PPIG: variants seen among roughly 807,000 people sequenced by gnomAD.
PPIG encodes the protein peptidyl-prolyl cis-trans isomerase G.
PPIG carries 26 observed loss-of-function variants against 87.9 expected under a neutral mutation model. The observed-to-expected ratio is 0.30, with a 90% CI of 0.22 to 0.41. The LOEUF is 0.41. Ranked by LOEUF, PPIG falls within the 10% of genes least tolerant of loss-of-function variation. The probability of loss-of-function intolerance (pLI) is 1.00; values close to 1 mark genes in which losing one functional copy is unlikely to be tolerated. For missense variants in PPIG, 722 were observed against 879.4 expected (o/e 0.82, Z 2.26); for synonymous variants, 308 against 276.5 (o/e 1.11, Z -1.13).
intron 1 of PPIG, among the ~76,000 whole-genome samples, chr2:169,594,147 C>T (rs545138147): frequency 3.9e-5 from 6 of 152,160 alleles, no homozygotes; most frequent in Admixed American, 3.9e-4. Flanking sequence ...AGTAGTTCCT[C>T]ATAATAGATT....
intron 6 of PPIG, among the ~76,000 whole-genome samples, chr2:169,608,327 A>G (rs534962818): frequency 2.0e-5 from 3 of 151,976 alleles, no homozygotes; most frequent in East Asian, 1.9e-4. Flanking sequence ...CGTCTCTACT[A>G]AAAATACAAA....
chr2:169,596,219 C>G (rs1685012088), intron 1 of PPIG, among the ~76,000 whole-genome samples: 1 of 152,142 alleles, frequency 6.6e-6, no homozygotes, highest in African/African-American at 2.4e-5. Context: ...ATTTTCCTGC[C>G]TCAGCCTCCC....
At chr2:169,584,770 C>T in intron 1 of PPIG, 1 of 307,676 alleles carries the variant, frequency 3.3e-6, no homozygotes, top group Non-Finnish European at 6.2e-6. Flanking sequence ...CCCACTCAGG[C>T]GCACACCTCC....
intron 1 of PPIG, among the ~76,000 whole-genome samples, chr2:169,589,716 TTC>T (rs1231829016): frequency 6.6e-6 from 1 of 152,064 alleles, no homozygotes; most frequent in Non-Finnish European, 1.5e-5. Flanking sequence ...AGGGAATGGG[TTC>T]TGTTTCAGTT....
chr2:169,637,358 A>G lies in PPIG; in HGVS notation c.2100A>G (p.Glu700=). 2 of 1,610,904 alleles carry G rather than the reference A, an allele frequency of 1.2e-6. No homozygotes were observed. Among genetic ancestry groups the G allele is most frequent in the Non-Finnish European group, 1.7e-6 (2 of 1,179,370 alleles). Residue 700 remains glutamate (E), a synonymous_variant, in exon 14 of 14, where the codon GAA becomes GAG. Transcript: ENST00000260970. ...TAAAACAAAGCAGTCAGGACAATGA[A>G]TTAAAGTCCTCCATGTTGAAAAATA... ...SKIKQSSQDN[E]LKSSMLKNKE... is the part of the protein sequence containing the mutation.
chr2:169,626,953 G>A (rs1353096337), intron 9 of PPIG, among the ~76,000 whole-genome samples: 1 of 151,046 alleles, frequency 6.6e-6, no homozygotes. Context: ...CAAGTGATCT[G>A]CCTGCTTTGG....
chr2:169,591,723 T>C (rs1452577318), intron 1 of PPIG, among the ~76,000 whole-genome samples: 1 of 151,784 alleles, frequency 6.6e-6, no homozygotes, highest in Non-Finnish European at 1.5e-5. Flanking sequence ...ATGTCATCTG[T>C]TGGGAGCAGA....
intron 6 of PPIG, 150 bp from the exon 7 acceptor site, chr2:169,608,521 T>C: frequency 2.1e-6 from 1 of 477,626 alleles, no homozygotes; most frequent in Middle Eastern, 4.7e-4. Context: ...AATTGATTCA[T>C]ATTTGATTCT....
At position 169,594,922 on chromosome 2, in the gene PPIG, G is replaced by GTTTTA. The variant is rs1217670277; in HGVS notation, c.-69-8700_-69-8696dup. On this transcript the variant is annotated intron_variant, in intron 1 of 13. Coordinates refer to ENST00000260970, the MANE Select transcript of PPIG (RefSeq NM_004792.3). Reference sequence around the variant, plus strand: ...CAGGCGTGAGACACCATGCCTGGCAGTTTTATTTTATTTTATTTTATTTTG... The same window carrying GTTTTA: ...CAGGCGTGAGACACCATGCCTGGCAGTTTTATTTTATTTTATTTTATTTTATTTTG... 3.4e-4 allele frequency among the ~76,000 whole-genome samples: 52 copies of GTTTTA among 151,066 alleles called. No homozygotes were observed. In the South Asian group the frequency reaches 3.6e-3, roughly 10 times the overall value.
intron 7 of PPIG, among the ~76,000 whole-genome samples, chr2:169,610,858 A>T (rs2105495662): frequency 6.6e-6 from 1 of 152,322 alleles, no homozygotes; most frequent in African/African-American, 2.4e-5. Flanking sequence ...TGTGTATACC[A>T]TAGTTTATTC....
Position 169,614,652 on chromosome 2 carries a change from A to G in PPIG, c.475A>G (p.Thr159Ala). ...TGTAAGAGAGATTGAAAACCAGAAA[A>G]CAGATGCAGCTAGCAAACCGTTTGC... The part of the protein sequence containing the change: ...EVVREIENQK[T>A]DAASKPFAEV... The change falls in exon 9 of 14, where the codon ACA becomes GCA. Residue 159 changes from threonine (T) to alanine (A), a missense_variant. By Grantham distance (58) the Thr-to-Ala change is moderately conservative (BLOSUM62 0). Coordinates refer to ENST00000260970, the MANE Select transcript of PPIG (RefSeq NM_004792.3). 1 of 1,613,074 alleles carries G rather than the reference A, an allele frequency of 6.2e-7. No homozygotes were observed. The highest frequency in any genetic ancestry group is 8.5e-7 in the Non-Finnish European group (1 of 1,179,896).
intron 9 of PPIG, among the ~76,000 whole-genome samples, chr2:169,616,379 T>C (rs1418063954): frequency 1.3e-5 from 2 of 152,140 alleles, no homozygotes; most frequent in African/African-American, 4.8e-5. Flanking sequence ...GGGATTGCTG[T>C]GCCAAATGGT....
At chr2:169,589,952 A>G (rs1047737587) in intron 1 of PPIG, among the ~76,000 whole-genome samples, 2 of 152,074 alleles carry the variant, frequency 1.3e-5, no homozygotes, top group Non-Finnish European at 2.9e-5. Context: ...TCTACTAAAA[A>G]TACAAAATTA....
intron 7 of PPIG, among the ~76,000 whole-genome samples, chr2:169,612,529 G>T (rs547237747): frequency 6.6e-6 from 1 of 151,874 alleles, no homozygotes. Flanking sequence ...GACTACAGGC[G>T]CCTGTCACCA....
rs1031024373 is a variant in PPIG at position 169,604,233 on chromosome 2, A to G, written c.108A>G (p.Thr36=). The change falls in exon 4 of 14, where the codon ACA becomes ACG. Residue 36 remains threonine, a synonymous_variant. Coordinates refer to ENST00000260970, the MANE Select transcript of PPIG (RefSeq NM_004792.3). ...FELFSDVCPK[T]CENFRCLCTG... is the part of the protein sequence containing the mutation. ...TATTTTCTGATGTGTGCCCCAAAAC[A>G]TGCGAGAACTTTCGTTGTCTTTGTA... 10 of 1,611,560 alleles carry G rather than the reference A, an allele frequency of 6.2e-6. No individual in the cohort carries two copies. Among genetic ancestry groups the G allele is most frequent in the African/African-American group, 1.3e-5 (1 of 74,560 alleles).
chr2:169,604,326 G>GTTTTTT, intron 4 of PPIG, 65 bp downstream of exon 4: 1 of 488,306 alleles, frequency 2.0e-6, no homozygotes, highest in South Asian at 3.4e-5. Flanking sequence ...TTGCTTGCTT[G>GTTTTTT]GTTTTTTTTT....
intron 1 of PPIG, among the ~76,000 whole-genome samples, chr2:169,598,582 C>T (rs1267593218): frequency 6.6e-6 from 1 of 152,064 alleles, no homozygotes; most frequent in African/African-American, 2.4e-5. Flanking sequence ...TGAGCCACCG[C>T]GCCTGGCTTA....
At chr2:169,608,183 T>C (rs1242761042) in intron 6 of PPIG, among the ~76,000 whole-genome samples, 1 of 152,148 alleles carries the variant, frequency 6.6e-6, no homozygotes, top group Non-Finnish European at 1.5e-5. Context: ...TTAATAATAT[T>C]TGAATCTTAA....
At position 169,636,518 on chromosome 2, in the gene PPIG, T is replaced by A; in HGVS notation, c.1260T>A (p.Asn420Lys). 6.2e-7 allele frequency: 1 copy of A among 1,606,574 alleles called. No homozygotes were observed. Among genetic ancestry groups the A allele is most frequent in the African/African-American group, 1.4e-5 (1 of 73,632 alleles). Residue 420 changes from asparagine to lysine, a missense_variant, in exon 14 of 14, where the codon AAT becomes AAA. Physicochemically the swap from Asn to Lys is moderately conservative, Grantham distance 94. This residue lies in a region of PPIG where 476 missense variants were observed against 483.1 expected (regional missense o/e 0.99). Coordinates refer to ENST00000260970, the MANE Select transcript of PPIG (RefSeq NM_004792.3). The stretch of plus-strand genomic sequence containing the variant: ...TATCTGAGAGTCCAAACAGAAAAAA[T>A]GAAAAGGAGAAGAAAGTTAAAGACC... ...RNVSESPNRK[N>K]EKEKKVKDHK...
Sources: gnomAD v4.1 joint callset for allele counts (sites outside exome capture counted in the v4.1 genomes callset) on GRCh38, gnomAD v4.1.1 for gene constraint, gnomAD v4.1.1 regional missense constraint, MANE v1.5 for transcripts, NCBI Gene and HGNC (gene_info 2026-07-23, HGNC 2026-07-21) for gene names.